HDAC9: variants seen among roughly 807,000 people sequenced by gnomAD.
The protein encoded by HDAC9 is histone deacetylase 9.
In HDAC9, 41 loss-of-function variants were observed where a neutral mutation model predicts 139.4. The observed-to-expected ratio is 0.29, with a 90% confidence interval of 0.23 to 0.38. HDAC9 has a LOEUF of 0.38. Among genes scored for constraint, HDAC9 ranks in the 10% least tolerant of loss-of-function variants. The probability of loss-of-function intolerance (pLI) is 1.00; values close to 1 mark genes in which losing one functional copy is unlikely to be tolerated. For synonymous variants in HDAC9, 517 were observed against 476.2 expected (o/e 1.09, Z -1.12); for missense variants, 1,147 against 1,297.0 (o/e 0.88, Z 1.78).
At chr7:18,087,016 T>C (rs1262398298) in exon 1 of HDAC9, 1 of 150,850 alleles carries the variant, frequency 6.6e-6, no homozygotes, top group Admixed American at 6.6e-5. Flanking sequence ...TCTCCTCCTC[T>C]AGCGCCCGCC....
At chr7:18,781,353 A>G (rs1264230301) in intron 16 of HDAC9, among the ~76,000 whole-genome samples, 1 of 152,008 alleles carries the variant, frequency 6.6e-6, no homozygotes, top group African/African-American at 2.4e-5. Flanking sequence ...CATCAACTAT[A>G]TAACTTTGGT....
intron 1 of HDAC9, among the ~76,000 whole-genome samples, chr7:18,154,663 C>A (rs1787040257): frequency 6.6e-6 from 1 of 152,182 alleles, no homozygotes; most frequent in African/African-American, 2.4e-5. Context: ...GAGCACTTTG[C>A]TCAACGTGGG....
chr7:18,668,041 C>T, intron 12 of HDAC9: 2 of 980,352 alleles, frequency 2.0e-6, no homozygotes, highest in Non-Finnish European at 2.4e-6. Context: ...AGCAGTTTTG[C>T]CAAATGTAGA....
intron 2 of HDAC9, among the ~76,000 whole-genome samples, chr7:18,507,435 C>T (rs187522724): frequency 2.2e-3 from 340 of 151,896 alleles, no homozygotes; most frequent in African/African-American, 7.7e-3. Context: ...CCTCGTGATC[C>T]GCCCGCCTCG....
Position 18,216,142 on chromosome 7 carries a change from G to GAC in HDAC9, c.25+53794_25+53795insCA, listed in dbSNP as rs1584683131. Among the ~76,000 whole-genome samples, 4 of 151,852 alleles carry GAC rather than the reference G, an allele frequency of 2.6e-5. No homozygotes were observed. In the East Asian group the frequency reaches 7.7e-4, roughly 29 times the overall value. ...TGTGTGTGTGTGTGAGAGAGAGAGAGAGAGAGACAGAGAGAGTTTGAGAGA... is the reference window on the plus strand; with the variant it reads ...TGTGTGTGTGTGTGAGAGAGAGAGAGACAGAGAGACAGAGAGAGTTTGAGAGA... On this transcript the variant is annotated intron_variant, in intron 2 of 12. Coordinates refer to the HDAC9 transcript ENST00000417496.
chr7:18,923,446 A>G (rs1470662490), intron 22 of HDAC9, among the ~76,000 whole-genome samples: 1 of 152,016 alleles, frequency 6.6e-6, no homozygotes, highest in Non-Finnish European at 1.5e-5. Flanking sequence ...AATGGCTAGC[A>G]TAGTGCTTTT....
chr7:18,410,531 C>T (rs1437643619), intron 1 of HDAC9, among the ~76,000 whole-genome samples: 11 of 152,080 alleles, frequency 7.2e-5, no homozygotes. Context: ...TATATACACA[C>T]ACTATTTACA....
At chr7:18,445,254 A>C (rs1156822979) in intron 1 of HDAC9, among the ~76,000 whole-genome samples, 1 of 152,198 alleles carries the variant, frequency 6.6e-6, no homozygotes, top group Non-Finnish European at 1.5e-5. Flanking sequence ...TATTAGCTCA[A>C]CTCAAAACTT....
chr7:18,491,234 A>G (rs1796340794), upstream of HDAC9, among the ~76,000 whole-genome samples: 3 of 151,976 alleles, frequency 2.0e-5, 1 homozygote, highest in South Asian at 6.2e-4. Context: ...ATTTATTTAC[A>G]TTTTAAAAGG....
At chr7:18,645,124 G>C (rs1786964528) in intron 9 of HDAC9, among the ~76,000 whole-genome samples, 4 of 152,112 alleles carry the variant, frequency 2.6e-5, no homozygotes, top group Admixed American at 2.6e-4. Flanking sequence ...CGTTTTTACA[G>C]AAGGAGAAGC....
At chr7:18,573,202 C>G (rs1267780188) in intron 2 of HDAC9, among the ~76,000 whole-genome samples, 5 of 152,150 alleles carry the variant, frequency 3.3e-5, no homozygotes, top group Non-Finnish European at 7.3e-5. Context: ...ACATGGATAA[C>G]TTGAACAGAA....
At chr7:18,597,673 G>A (rs1393833222) in intron 6 of HDAC9, among the ~76,000 whole-genome samples, 8 of 152,014 alleles carry the variant, frequency 5.3e-5, no homozygotes, top group African/African-American at 1.4e-4. Flanking sequence ...ATAAAATATT[G>A]TGATAAAATT....
intron 2 of HDAC9, among the ~76,000 whole-genome samples, chr7:18,503,810 A>G (rs965733159): frequency 1.4e-4 from 22 of 152,212 alleles, no homozygotes; most frequent in African/African-American, 5.1e-4. Context: ...TATGTTCATT[A>G]TTGACCCAGT....
chr7:18,243,875 A>G (rs1474996994), intron 2 of HDAC9, among the ~76,000 whole-genome samples: 2 of 152,238 alleles, frequency 1.3e-5, no homozygotes, highest in Admixed American at 6.5e-5. Flanking sequence ...TAGGGAGGCA[A>G]GATGTTCAGG....
chr7:18,777,735 A>T (rs1321305942), intron 16 of HDAC9, among the ~76,000 whole-genome samples: 1 of 151,916 alleles, frequency 6.6e-6, no homozygotes, highest in Non-Finnish European at 1.5e-5. Flanking sequence ...CCCCAGTGGT[A>T]TTCAGAGGAT....
At chr7:18,171,388 C>T (rs964667865) in intron 2 of HDAC9, among the ~76,000 whole-genome samples, 10 of 152,178 alleles carry the variant, frequency 6.6e-5, no homozygotes, top group African/African-American at 2.4e-4. Context: ...ATGTCATCTG[C>T]AAACAGGGAC....
intron 16 of HDAC9, among the ~76,000 whole-genome samples, chr7:18,789,059 T>C (rs1005860620): frequency 5.9e-5 from 9 of 152,170 alleles, no homozygotes; most frequent in African/African-American, 2.2e-4. Flanking sequence ...ATTCTTTCGA[T>C]GCTATCACTA....
intron 2 of HDAC9, among the ~76,000 whole-genome samples, chr7:18,529,161 G>T (rs1237306707): frequency 6.6e-6 from 1 of 151,944 alleles, no homozygotes; most frequent in East Asian, 1.9e-4. Flanking sequence ...ATTAAAAATA[G>T]GAGACAGAAA....
At chr7:18,432,524 C>T (rs1184583438) in intron 1 of HDAC9, among the ~76,000 whole-genome samples, 1 of 152,214 alleles carries the variant, frequency 6.6e-6, no homozygotes, top group African/African-American at 2.4e-5. Flanking sequence ...CCTATTCCTT[C>T]AGATTCTGGG....
Sources: allele counts gnomAD v4.1 joint callset (sites outside exome capture counted in the v4.1 genomes callset), GRCh38; gene constraint gnomAD v4.1.1; transcripts MANE v1.5; gene names NCBI Gene and HGNC (gene_info 2026-07-23, HGNC 2026-07-21).